Variants in AKAP13 observed in about 807,000 individuals in gnomAD.
AKAP13 encodes A-kinase anchor protein 13.
Under a neutral mutation model 264.5 loss-of-function variants are expected in AKAP13, and 80 were observed. The observed-to-expected ratio is 0.30, with a 90% CI of 0.25 to 0.36. The LOEUF (loss-of-function observed/expected upper bound fraction) is 0.36, where lower values mean the gene tolerates loss of function less well. Ranked by LOEUF, AKAP13 falls within the 10% of genes least tolerant of loss-of-function variation. The pLI is 1.00. For missense variants in AKAP13, 3,712 were observed against 3,435.2 expected, an observed-to-expected ratio of 1.08 and a Z score of -2.01; for synonymous variants, 1,380 against 1,250.2, an observed-to-expected ratio of 1.10 and a Z score of -2.19.
chr15:85,484,437 C>G (rs1239867626), intron 1 of AKAP13, among the ~76,000 whole-genome samples: 2 of 152,000 alleles, frequency 1.3e-5, no homozygotes, highest in Non-Finnish European at 2.9e-5. Flanking sequence ...TGTTATAGCG[C>G]ATGGGGTGGA....
chr15:85,575,146 A>ATG lies in AKAP13; in HGVS notation c.678_679insTG (p.Pro227CysfsTer19). 6.2e-7 allele frequency: 1 copy of ATG among 1,614,150 alleles called. No individual in the cohort carries two copies. The highest frequency in any genetic ancestry group is 8.5e-7 in the Non-Finnish European group (1 of 1,180,012). On this transcript the variant is annotated frameshift_variant, in exon 6 of 37. Transcript: ENST00000394518. LOFTEE classifies it high-confidence loss of function. ...TTGCATGTAGGGAGAATGCTGGAGA[A>ATG]CCAGACTCCTGGAGCAGTTTATCCT...
In AKAP13 at chr15:85,693,350, C is replaced by T; in HGVS notation, c.5363C>T (p.Thr1788Ile). Residue 1788 changes from threonine to isoleucine, a missense_variant, in exon 17 of 37, where the codon ACT becomes ATT. Thr to Ile is a moderately conservative substitution (Grantham distance 89). This residue lies in a region of AKAP13 where 2,759 missense variants were observed against 2,411.7 expected (regional missense o/e 1.14). Transcript: ENST00000394518. ...AAAGACAAGGAGAAAGATAAGAAGACTGTCAACGGGCACACTTTCAGTTCC... is the reference window on the plus strand; with the variant it reads ...AAAGACAAGGAGAAAGATAAGAAGATTGTCAACGGGCACACTTTCAGTTCC... ...DSKDKEKDKK[T>I]VNGHTFSSIP... 2 of 1,613,818 alleles carry T rather than the reference C, an allele frequency of 1.2e-6. No homozygotes were observed. Among genetic ancestry groups the T allele is most frequent in the Non-Finnish European group, 1.7e-6 (2 of 1,179,892 alleles).
At chr15:85,689,566 AG>A (rs2085153843) in intron 16 of AKAP13, among the ~76,000 whole-genome samples, 1 of 152,234 alleles carries the variant, frequency 6.6e-6, no homozygotes, top group Admixed American at 6.5e-5. Context: ...AACATGGAAA[AG>A]TCAAACTTCA....
In AKAP13 at chr15:85,662,286, GTCTGTC is replaced by G. The variant is rs1362085152; in HGVS notation, c.4800-2273_4800-2268del. The G allele has an allele frequency of 1.0e-5, 12 of 1,151,698 alleles. No individual in the cohort carries two copies. In the Admixed American group the frequency reaches 1.5e-4, roughly 14 times the overall value. 71.3% of individuals were successfully genotyped at this position (1,151,698 alleles called of 1,614,324 possible). A position where few individuals can be genotyped will look rare whatever the true frequency, so the allele number is the denominator to read the frequency against. ...AATTTTTTGTTGATCGCATAAATCC[GTCTGTC>G]TCTAACTATGCCCTTCGTTTTTAAA... On this transcript the variant is annotated intron_variant, in intron 12 of 36. Transcript: ENST00000394518.
intron 1 of AKAP13, among the ~76,000 whole-genome samples, chr15:85,443,340 A>G (rs572313348): frequency 2.6e-5 from 4 of 152,276 alleles, no homozygotes; most frequent in African/African-American, 9.6e-5. Context: ...TAGAGTTTTA[A>G]TAGGGAACAT....
At chr15:85,711,818 G>GT (rs1436436258) in intron 19 of AKAP13, among the ~76,000 whole-genome samples, 2 of 152,124 alleles carry the variant, frequency 1.3e-5, no homozygotes, top group Non-Finnish European at 1.5e-5. Flanking sequence ...AGCATTCTGT[G>GT]TTTTTTTGTG....
chr15:85,419,943 T>TG (rs1567047594), intron 1 of AKAP13, among the ~76,000 whole-genome samples: 1 of 138,428 alleles, frequency 7.2e-6, no homozygotes, highest in African/African-American at 2.7e-5. Context: ...TTGTTTTTTT[T>TG]TTTTTTTTTT....
chr15:85,637,629 TTTTGTTCTTTATTTTC>T (rs909110406), intron 8 of AKAP13, among the ~76,000 whole-genome samples: 28 of 152,102 alleles, frequency 1.8e-4, no homozygotes, highest in African/African-American at 6.5e-4. Flanking sequence ...TTTTATTGAT[TTTTGTTCTTTATTTTC>T]TTTATCCTGC....
At chr15:85,561,877 C>T (rs915464982) in intron 5 of AKAP13, among the ~76,000 whole-genome samples, 1 of 152,210 alleles carries the variant, frequency 6.6e-6, no homozygotes, top group African/African-American at 2.4e-5. Context: ...CTAGAACTTG[C>T]ACACTAGTCT....
At chr15:85,548,801 G>C (rs973130501) in intron 5 of AKAP13, among the ~76,000 whole-genome samples, 1 of 151,888 alleles carries the variant, frequency 6.6e-6, no homozygotes, top group Non-Finnish European at 1.5e-5. Flanking sequence ...AGAGATTGGA[G>C]AATTGTAGTT....
intron 8 of AKAP13, among the ~76,000 whole-genome samples, chr15:85,602,596 C>T (rs1383274293): frequency 2.0e-5 from 3 of 151,934 alleles, no homozygotes; most frequent in African/African-American, 7.3e-5. Flanking sequence ...AAGTGATTCT[C>T]CTCCTGCCTC....
chr15:85,649,718 C>T (rs1325364035), intron 10 of AKAP13, among the ~76,000 whole-genome samples: 1 of 152,136 alleles, frequency 6.6e-6, no homozygotes, highest in Non-Finnish European at 1.5e-5. Flanking sequence ...CGTTTATTCT[C>T]ATGAATATGT....
intron 1 of AKAP13, among the ~76,000 whole-genome samples, chr15:85,411,522 C>A (rs2150871298): frequency 6.6e-6 from 1 of 152,238 alleles, no homozygotes; most frequent in African/African-American, 2.4e-5. Context: ...ACTGCAAGCT[C>A]CGCTTCCCGG....
chr15:85,596,429 C>T (rs947642722), intron 8 of AKAP13, among the ~76,000 whole-genome samples: 2 of 152,060 alleles, frequency 1.3e-5, no homozygotes, highest in Admixed American at 1.3e-4. Flanking sequence ...AAAACCCTGT[C>T]TCTACCAAAA....
chr15:85,730,581 A>G lies in AKAP13; in HGVS notation c.7156A>G (p.Met2386Val), dbSNP rs2087931036. 1.9e-6 allele frequency: 3 copies of G among 1,614,212 alleles called. No homozygotes were observed. Among genetic ancestry groups the G allele is most frequent in the Non-Finnish European group, 1.7e-6 (2 of 1,180,030 alleles). The part of the protein sequence containing the change: ...LEEKEMIFRD[M>V]AECSTPLPED... ...AGAGAAGGAGATGATTTTCCGGGAC[A>G]TGGCTGAGTGCAGCACCCCTCTCCC... The change falls in exon 30 of 37, where the codon ATG becomes GTG. Residue 2386 changes from methionine to valine, a missense_variant. Transcript: ENST00000394518.
intron 10 of AKAP13, among the ~76,000 whole-genome samples, chr15:85,649,372 T>G (rs2082700908): frequency 6.6e-6 from 1 of 152,364 alleles, no homozygotes; most frequent in East Asian, 1.9e-4. Context: ...AGCGTGGCAC[T>G]GGCAGATAGG....
intron 1 of AKAP13, among the ~76,000 whole-genome samples, chr15:85,438,153 A>G (rs1418205044): frequency 2.7e-5 from 4 of 146,704 alleles, no homozygotes; most frequent in Non-Finnish European, 4.4e-5. Flanking sequence ...AAAAATCACA[A>G]GCATTCTCAT....
chr15:85,405,254 G>A (rs2071608738), intron 1 of AKAP13, among the ~76,000 whole-genome samples: 1 of 152,120 alleles, frequency 6.6e-6, no homozygotes, highest in Non-Finnish European at 1.5e-5. Flanking sequence ...TCTTCGTATG[G>A]TGTTAGTCTT....
At chr15:85,741,610 T>C in intron 35 of AKAP13, 115 bp downstream of exon 35, 1 of 1,414,792 alleles carries the variant, frequency 7.1e-7, no homozygotes, top group Non-Finnish European at 9.2e-7. Context: ...GGCCAGATGC[T>C]CATGCCTGTG....
Sources: gnomAD v4.1 joint callset for allele counts (sites outside exome capture counted in the v4.1 genomes callset) on GRCh38, gnomAD v4.1.1 for gene constraint, gnomAD v4.1.1 regional missense constraint, MANE v1.5 for transcripts, NCBI Gene and HGNC (gene_info 2026-07-23, HGNC 2026-07-21) for gene names.